ROR2: variants seen among roughly 807,000 people sequenced by gnomAD.
ROR2 encodes ROR family WNT receptor 2, also known as tyrosine-protein kinase transmembrane receptor ROR2.
In ROR2, 33 loss-of-function variants were observed where a neutral mutation model predicts 74.9. That is an observed-to-expected ratio of 0.44 (90% confidence interval 0.33 to 0.59). ROR2 has a LOEUF of 0.59. Ranked by LOEUF, ROR2 falls within the 20% of genes least tolerant of loss-of-function variation. The pLI, the probability that ROR2 is intolerant of heterozygous loss-of-function variation, is 0.02. For synonymous variants in ROR2, 586 were observed against 558.7 expected, an observed-to-expected ratio of 1.05 and a Z score of -0.69; for missense variants, 1,216 against 1,313.8, an observed-to-expected ratio of 0.93 and a Z score of 1.15.
chr9:91,903,035 G>A (rs993773491), intron 1 of ROR2, among the ~76,000 whole-genome samples: 5 of 152,056 alleles, frequency 3.3e-5, no homozygotes, highest in African/African-American at 1.2e-4. Flanking sequence ...GGCGGTGATG[G>A]TTGCAAAACA....
chr9:91,842,493 C>T (rs1176326993), intron 1 of ROR2, among the ~76,000 whole-genome samples: 1 of 152,246 alleles, frequency 6.6e-6, no homozygotes, highest in Admixed American at 6.5e-5. Flanking sequence ...CGTGTCCTCA[C>T]CCCGTGCGTT....
intron 1 of ROR2, among the ~76,000 whole-genome samples, chr9:91,802,067 GTTTTTTTTTTTTT>G (rs60111555): frequency 1.9e-5 from 2 of 103,694 alleles, no homozygotes; most frequent in African/African-American, 7.0e-5. Flanking sequence ...TTTGGAAGGT[GTTTTTTTTTTTTT>G]TTTTTTTTTT....
At chr9:91,927,060 A>G (rs527534003) in intron 1 of ROR2, among the ~76,000 whole-genome samples, 1 of 145,644 alleles carries the variant, frequency 6.9e-6, no homozygotes, top group African/African-American at 2.4e-5. Flanking sequence ...CACGTTTTTT[A>G]TAAGAAGTGT....
At chr9:91,894,456 A>T (rs1199093281) in intron 1 of ROR2, among the ~76,000 whole-genome samples, 1 of 152,206 alleles carries the variant, frequency 6.6e-6, no homozygotes, top group East Asian at 1.9e-4. Flanking sequence ...GTGTCCAGTG[A>T]GGCAATTTCT....
intron 1 of ROR2, among the ~76,000 whole-genome samples, chr9:91,876,236 G>A (rs1280251693): frequency 6.6e-6 from 1 of 152,060 alleles, no homozygotes; most frequent in African/African-American, 2.4e-5. Context: ...AGCCAGGTGT[G>A]CAGGCGCCTG....
chr9:91,764,357 A>T (rs945926315), intron 2 of ROR2, among the ~76,000 whole-genome samples: 1 of 152,096 alleles, frequency 6.6e-6, no homozygotes, highest in African/African-American at 2.4e-5. Flanking sequence ...TTTTTAACTG[A>T]TGAGTTTTAT....
chr9:91,925,128 C>T (rs1444826618), intron 1 of ROR2, among the ~76,000 whole-genome samples: 5 of 152,148 alleles, frequency 3.3e-5, no homozygotes. Context: ...GCTGAGATTA[C>T]AGGTGTGAAC....
intron 4 of ROR2, among the ~76,000 whole-genome samples, chr9:91,741,950 G>A (rs889246607): frequency 1.3e-5 from 2 of 152,152 alleles, no homozygotes; most frequent in Non-Finnish European, 2.9e-5. Flanking sequence ...AATATAACCC[G>A]TGGTCAAGAG....
chr9:91,801,522 G>A (rs1198288167), intron 1 of ROR2, among the ~76,000 whole-genome samples: 4 of 152,050 alleles, frequency 2.6e-5, no homozygotes, highest in African/African-American at 4.8e-5. Flanking sequence ...TTGTAGAGAC[G>A]GGATTTCGCC....
intron 1 of ROR2, among the ~76,000 whole-genome samples, chr9:91,900,833 C>T (rs750575445): frequency 2.6e-5 from 4 of 152,146 alleles, no homozygotes; most frequent in Non-Finnish European, 5.9e-5. Context: ...AAATAATAAG[C>T]CAAGAATGCA....
intron 1 of ROR2, among the ~76,000 whole-genome samples, chr9:91,864,463 T>C (rs924187672): frequency 2.0e-5 from 3 of 152,184 alleles, no homozygotes; most frequent in Admixed American, 6.5e-5. Context: ...GGAGAAGGAA[T>C]GAACAATCCA....
chr9:91,754,349 T>C (rs1825676130), intron 4 of ROR2, among the ~76,000 whole-genome samples: 4 of 151,596 alleles, frequency 2.6e-5, no homozygotes, highest in Non-Finnish European at 5.9e-5. Context: ...ACTATAAAAG[T>C]TTTATTTATA....
At chr9:91,804,177 G>A (rs895160954) in intron 1 of ROR2, among the ~76,000 whole-genome samples, 1 of 152,194 alleles carries the variant, frequency 6.6e-6, no homozygotes, top group African/African-American at 2.4e-5. Context: ...GGCTCCGTCA[G>A]GGTCCCATTG....
At chr9:91,780,367 A>G (rs1433612635) in intron 1 of ROR2, among the ~76,000 whole-genome samples, 3 of 134,608 alleles carry the variant, frequency 2.2e-5, no homozygotes, top group Non-Finnish European at 4.6e-5. Context: ...ACAGAGCAAG[A>G]CTCCGTCTAA....
chr9:91,941,778 TTTCTC>T (rs557453808), intron 1 of ROR2, among the ~76,000 whole-genome samples: 46 of 95,418 alleles, frequency 4.8e-4, no homozygotes, highest in African/African-American at 1.2e-3. Flanking sequence ...CCTGCCCTCC[TTTCTC>T]TTCTCTTCTC....
chr9:91,901,451 A>G (rs1830674797), intron 1 of ROR2, among the ~76,000 whole-genome samples: 1 of 152,206 alleles, frequency 6.6e-6, no homozygotes, highest in Non-Finnish European at 1.5e-5. Flanking sequence ...GTTTTCCAAC[A>G]GGAGAAAAGG....
Position 91,888,873 on chromosome 9 carries a change from T to C in ROR2, c.97+60994A>G, listed in dbSNP as rs2119391077. 1.3e-5 allele frequency among the ~76,000 whole-genome samples: 2 copies of C among 152,250 alleles called. 1 individual carries two copies. Among genetic ancestry groups the C allele is most frequent in the South Asian group, 4.2e-4 (2 of 4,818 alleles). Reference sequence around the variant, plus strand: ...TCTCTGCTGCCAAAGCCCACTCTAGTGTGACAGGCTGTCCACGAAGCAGGT... The same window carrying C: ...TCTCTGCTGCCAAAGCCCACTCTAGCGTGACAGGCTGTCCACGAAGCAGGT... On this transcript the variant is annotated intron_variant, in intron 1 of 8. Coordinates refer to ENST00000375708, the MANE Select transcript of ROR2 (RefSeq NM_004560.4).
rs1827309275 is a variant in ROR2 at position 91,799,688 on chromosome 9, C to A, written c.98-23870G>T. ...GACAAGGAAAGCTCTCTCCAGCTTACTGAACTGTGTCTCACATTCCTGACA... is the reference window on the plus strand; with the variant it reads ...GACAAGGAAAGCTCTCTCCAGCTTAATGAACTGTGTCTCACATTCCTGACA... On this transcript the variant is annotated intron_variant, in intron 1 of 8. Coordinates refer to ENST00000375708, the MANE Select transcript of ROR2 (RefSeq NM_004560.4). Among the ~76,000 whole-genome samples the A allele has an allele frequency of 2.6e-5, 4 of 152,240 alleles. No homozygotes were observed. The South Asian group carries it at 8.3e-4, about 31-fold the overall frequency.
intron 4 of ROR2, among the ~76,000 whole-genome samples, chr9:91,743,403 C>T (rs562167699): frequency 1.9e-3 from 291 of 152,170 alleles, no homozygotes; most frequent in Admixed American, 3.5e-3. Flanking sequence ...GAAACGCCAT[C>T]TCTACTAAAA....
Sources: allele counts gnomAD v4.1 joint callset (sites outside exome capture counted in the v4.1 genomes callset), GRCh38; gene constraint gnomAD v4.1.1; transcripts MANE v1.5; gene names NCBI Gene and HGNC (gene_info 2026-07-23, HGNC 2026-07-21).